GPT: variants seen among roughly 807,000 people sequenced by gnomAD.
GPT encodes the protein alanine aminotransferase 1.
A neutral mutation model predicts 51.4 loss-of-function variants in GPT; 60 were observed. That is an observed-to-expected ratio of 1.17 (90% CI 0.95 to 1.45). GPT has a LOEUF of 1.45. Among genes scored for constraint, GPT ranks in the 40% most tolerant of loss-of-function variants. The pLI, the probability that GPT is intolerant of heterozygous loss-of-function variation, is 0.00. For missense variants in GPT, 853 were observed against 704.0 expected (o/e 1.21, Z -2.40); for synonymous variants, 397 against 303.1 (o/e 1.31, Z -3.22).
At chr8:144,505,771 G>C (rs1364742842) in intron 5 of GPT, 77 bp from the exon 6 acceptor site, 10 of 1,300,776 alleles carry the variant, frequency 7.7e-6, no homozygotes, top group Non-Finnish European at 1.0e-5. Context: ...TGCCGGGTCC[G>C]CTGGACCCCG....
At chr8:144,503,378 C>A (rs918974758), upstream of GPT, among the ~76,000 whole-genome samples, 2 of 152,200 alleles carry the variant, frequency 1.3e-5, no homozygotes, top group African/African-American at 4.8e-5. Flanking sequence ...GTTTCCTACT[C>A]TCTCCTCCAA....
Position 144,506,081 on chromosome 8 carries a change from G to C in GPT, c.906G>C (p.Gly302=). The change falls in exon 7 of 11, where the codon GGG becomes GGC. Residue 302 remains glycine (G), a synonymous_variant. Transcript: ENST00000394955. This position sits in a 1 kb window ranked among gnomAD's most constrained non-coding sequence, Gnocchi z 7.0. ...VLMEMGPPYA[G]QQELASFHST... is the part of the protein sequence containing the mutation. ...TGGAGATGGGGCCGCCCTACGCCGG[G>C]CAGCAGGAGCTTGCCTCCTTCCACT... 6.2e-7 allele frequency: 1 copy of C among 1,612,366 alleles called. No individual in the cohort carries two copies. Among genetic ancestry groups the C allele is most frequent in the Non-Finnish European group, 8.5e-7 (1 of 1,179,696 alleles).
In GPT at chr8:144,506,704, C is replaced by G; in HGVS notation, c.1288-27C>G. 6.2e-7 allele frequency: 1 copy of G among 1,606,178 alleles called. No homozygotes were observed. The highest frequency in any genetic ancestry group is 8.5e-7 in the Non-Finnish European group (1 of 1,177,660). On this transcript the variant is annotated intron_variant, in intron 9 of 10. Coordinates refer to ENST00000394955, the MANE Select transcript of GPT (RefSeq NM_005309.3). This position sits in a 1 kb window ranked among gnomAD's most constrained non-coding sequence, Gnocchi z 7.0. ...GGGGTGGGCAGGGGGGGCCGGGCAT[C>G]CCTCTCTGACGGCTCTCCGTCCACA...
rs762649725 is a variant in GPT, at chr8:144,505,457, C to T, written c.707C>T (p.Ala236Val). The change falls in exon 5 of 11, where the codon GCG becomes GTG. Residue 236 changes from alanine to valine, a missense_variant. Physicochemically the swap from Ala to Val is moderately conservative, Grantham distance 64. Transcript: ENST00000394955. ...GQARDHCRPR[A>V]LCVINPGNPT... is the part of the protein sequence containing the mutation. The stretch of plus-strand genomic sequence containing the variant: ...GCGCGTGACCACTGCCGCCCTCGTG[C>T]GCTCTGTGTCATCAACCCTGGCAAC... 3.1e-6 allele frequency: 5 copies of T among 1,594,764 alleles called. No individual in the cohort carries two copies. In the African/African-American group the frequency reaches 4.0e-5, roughly 13 times the overall value.
At chr8:144,505,823 C>T in intron 5 of GPT, 25 bp from the exon 6 acceptor site, 1 of 1,540,710 alleles carries the variant, frequency 6.5e-7, no homozygotes, top group South Asian at 1.2e-5. Context: ...GCTCACCCAG[C>T]ACTGCTGCCT....
In GPT at chr8:144,505,410, G is replaced by A. The variant is rs927315588; in HGVS notation, c.660G>A (p.Glu220=). Residue 220 remains glutamate, a synonymous_variant, in exon 5 of 11, where the codon GAG becomes GAA. Coordinates refer to ENST00000394955, the MANE Select transcript of GPT (RefSeq NM_005309.3). ...GTGCCTGGGCGCTGGACGTGGCCGA[G>A]CTTCACCGTGCACTGGGCCAGGCGC... The part of the protein sequence containing the change: ...EERAWALDVA[E]LHRALGQARD... 3.8e-6 allele frequency: 6 copies of A among 1,596,840 alleles called. No homozygotes were observed. The highest frequency in any genetic ancestry group is 5.1e-6 in the Non-Finnish European group (6 of 1,173,636).
At position 144,507,005 on chromosome 8, in the gene GPT, C is replaced by A. The variant is rs780313550; in HGVS notation, c.*5C>A. 2 of 1,607,242 alleles carry A rather than the reference C, an allele frequency of 1.2e-6. No individual in the cohort carries two copies. The highest frequency in any genetic ancestry group is 2.2e-5 in the South Asian group (2 of 90,984). ...TTCACCCTCGAGTACTCCTGAGCAC[C>A]CCAGCTGGGGCCAGGCTGGGTCGCC... On this transcript the variant is annotated 3_prime_UTR_variant, in exon 11 of 11. Transcript: ENST00000394955.
At position 144,506,176 on chromosome 8, in the gene GPT, G is replaced by GCCCTCCTCGCCCGATGGGCCACC. The variant is rs1254167777; in HGVS notation, c.957-47_957-25dup. The GCCCTCCTCGCCCGATGGGCCACC allele has an allele frequency of 1.2e-6, 2 of 1,601,726 alleles. No homozygotes were observed. The highest frequency in any genetic ancestry group is 2.7e-5 in the African/African-American group (2 of 74,716). ...GTGGGGGCTCGCGGGCCATGGCCAGGCCCTCCTCGCCCGATGGGCCACCCC... is the reference window on the plus strand; with the variant it reads ...GTGGGGGCTCGCGGGCCATGGCCAGGCCCTCCTCGCCCGATGGGCCACCCCCTCCTCGCCCGATGGGCCACCCC... On this transcript the variant is annotated intron_variant, in intron 7 of 10. Coordinates refer to ENST00000394955, the MANE Select transcript of GPT (RefSeq NM_005309.3). The surrounding 1 kb of genome is among the most constrained non-coding windows in gnomAD (Gnocchi z 7.0).
chr8:144,505,861 C>A lies in GPT; in HGVS notation c.753C>A (p.Thr251=). The A allele has an allele frequency of 6.4e-7, 1 of 1,552,354 alleles. No homozygotes were observed. The highest frequency in any genetic ancestry group is 1.4e-5 in the African/African-American group (1 of 73,286). Residue 251 remains threonine, a synonymous_variant, in exon 6 of 11, where the codon ACC becomes ACA. Coordinates refer to ENST00000394955, the MANE Select transcript of GPT (RefSeq NM_005309.3). ...CCGGCACCCCAGGGCAGGTGCAGAC[C>A]CGCGAGTGCATCGAGGCCGTGATCC... ...NPGNPTGQVQ[T]RECIEAVIRF...
Position 144,505,433 on chromosome 8 carries a change from C to T in GPT, c.683C>T (p.Ala228Val), listed in dbSNP as rs1257281084. The T allele has an allele frequency of 6.2e-7, 1 of 1,600,116 alleles. No homozygotes were observed. The highest frequency in any genetic ancestry group is 2.3e-5 in the East Asian group (1 of 44,298). ...GAGCTTCACCGTGCACTGGGCCAGG[C>T]GCGTGACCACTGCCGCCCTCGTGCG... Reference protein sequence around the residue: ...VAELHRALGQARDHCRPRALC... With the variant: ...VAELHRALGQVRDHCRPRALC... The change falls in exon 5 of 11, where the codon GCG becomes GTG. Residue 228 changes from alanine to valine, a missense_variant. Physicochemically the swap from Ala to Val is moderately conservative, Grantham distance 64. Coordinates refer to ENST00000394955, the MANE Select transcript of GPT (RefSeq NM_005309.3).
In GPT at chr8:144,506,666, G is replaced by T; in HGVS notation, c.1287+10G>T. 1 of 1,561,878 alleles carries T rather than the reference G, an allele frequency of 6.4e-7. No individual in the cohort carries two copies. Among genetic ancestry groups the T allele is most frequent in the Non-Finnish European group, 8.7e-7 (1 of 1,153,378 alleles). ...GGTGGAGCGCGCTCAGGTCAGGCGG[G>T]GGCGGGGCCTGCGGGGTGGGCAGGG... On this transcript the variant is annotated intron_variant, in intron 9 of 10. Transcript: ENST00000394955. This position sits in a 1 kb window ranked among gnomAD's most constrained non-coding sequence, Gnocchi z 7.0.
At position 144,504,342 on chromosome 8, in the gene GPT, G is replaced by C; in HGVS notation, c.38G>C (p.Arg13Thr). The C allele has an allele frequency of 6.2e-7, 1 of 1,611,016 alleles. No homozygotes were observed. The highest frequency in any genetic ancestry group is 1.1e-5 in the South Asian group (1 of 91,088). ...SSTGDRSQAV[R>T]HGLRAKVLTL... is the part of the protein sequence containing the mutation. ...ACAGGTGACCGGAGCCAGGCGGTGA[G>C]GCATGGACTGAGGGCGAAGGTGCTG... is the stretch of plus-strand genomic sequence containing the variant. The change falls in exon 1 of 11, where the codon AGG becomes ACG. Residue 13 changes from arginine to threonine, a missense_variant. Coordinates refer to ENST00000394955, the MANE Select transcript of GPT (RefSeq NM_005309.3).
chr8:144,505,882 G>A lies in GPT; in HGVS notation c.774G>A (p.Val258=). The change falls in exon 6 of 11, where the codon GTG becomes GTA. Residue 258 remains valine (V), a synonymous_variant. Coordinates refer to ENST00000394955, the MANE Select transcript of GPT (RefSeq NM_005309.3). ...AGACCCGCGAGTGCATCGAGGCCGT[G>A]ATCCGCTTCGCCTTCGAAGAGCGGC... is the stretch of plus-strand genomic sequence containing the variant. ...QVQTRECIEA[V]IRFAFEERLF... 1 of 1,576,648 alleles carries A rather than the reference G, an allele frequency of 6.3e-7. No homozygotes were observed. The highest frequency in any genetic ancestry group is 8.6e-7 in the Non-Finnish European group (1 of 1,162,064).
In GPT at chr8:144,506,641, G is replaced by C. The variant is rs771805043; in HGVS notation, c.1272G>C (p.Ala424=). 1.9e-6 allele frequency: 3 copies of C among 1,558,166 alleles called. No homozygotes were observed. The highest frequency in any genetic ancestry group is 2.4e-5 in the East Asian group (1 of 42,142). ...CGCGCGTGCAGCTGCCCCCGCGGGC[G>C]GTGGAGCGCGCTCAGGTCAGGCGGG... The part of the protein sequence containing the change: ...SFPRVQLPPR[A]VERAQELGLA... The change falls in exon 9 of 11, where the codon GCG becomes GCC. Residue 424 remains alanine, a synonymous_variant. Transcript: ENST00000394955. This position sits in a 1 kb window ranked among gnomAD's most constrained non-coding sequence, Gnocchi z 7.0.
Position 144,504,768 on chromosome 8 carries a change from C to T in GPT, c.253-3C>T, listed in dbSNP as rs1826702007. 6.2e-7 allele frequency: 1 copy of T among 1,613,516 alleles called. No individual in the cohort carries two copies. Among genetic ancestry groups the T allele is most frequent in the African/African-American group, 1.3e-5 (1 of 74,950 alleles). On this transcript the variant is annotated splice_polypyrimidine_tract_variant and splice_region_variant and intron_variant, in intron 2 of 10. Coordinates refer to ENST00000394955, the MANE Select transcript of GPT (RefSeq NM_005309.3). ...CCCTGGCCTCAGCACTCCGTCTTCC[C>T]AGGTCTTGGCCCTCTGTGTTAACCC...
Position 144,506,555 on chromosome 8 carries a change from G to T in GPT, c.1186G>T (p.Val396Phe), listed in dbSNP as rs769471662. 8.8e-6 allele frequency: 14 copies of T among 1,589,606 alleles called. No homozygotes were observed. In the South Asian group the frequency reaches 1.4e-4, roughly 16 times the overall value. The change falls in exon 9 of 11, where the codon GTC becomes TTC. Residue 396 changes from valine to phenylalanine, a missense_variant. By Grantham distance (50) the Val-to-Phe change is conservative. Coordinates refer to ENST00000394955, the MANE Select transcript of GPT (RefSeq NM_005309.3). The surrounding 1 kb of genome is among the most constrained non-coding windows in gnomAD (Gnocchi z 7.0). ...GGCCAAGGCCAAGCTCACCGAGCAG[G>T]TCTTCAATGAGGCTCCTGGCATCAG... ...LAAKAKLTEQ[V>F]FNEAPGISCN...
chr8:144,505,055 T>C lies in GPT; in HGVS notation c.419T>C (p.Ile140Thr), dbSNP rs1826719094. Residue 140 changes from isoleucine (I) to threonine (T), a missense_variant, in exon 4 of 11, where the codon ATT (isoleucine) becomes ACT (threonine). Physicochemically the swap from Ile to Thr is moderately conservative, Grantham distance 89. Coordinates refer to ENST00000394955, the MANE Select transcript of GPT (RefSeq NM_005309.3). ...ATCCGGGAGGACGTGGCGCGGTACA[T>C]TGAGAGGCGTGACGGAGGCATCCCT... Reference protein sequence around the residue: ...QLIREDVARYIERRDGGIPAD... With the variant: ...QLIREDVARYTERRDGGIPAD... The C allele has an allele frequency of 4.3e-6, 7 of 1,613,108 alleles. No individual in the cohort carries two copies. In the East Asian group the frequency reaches 6.7e-5, roughly 15 times the overall value.
At chr8:144,503,941 C>T (rs981310205), upstream of GPT, 8 of 368,050 alleles carry the variant, frequency 2.2e-5, no homozygotes, top group East Asian at 6.6e-5. Flanking sequence ...CAGAGCTGTC[C>T]GGACTGACGT....
At chr8:144,504,953 G>A (rs547406291) in intron 3 of GPT, 45 bp from the exon 4 acceptor site, 94 of 1,612,942 alleles carry the variant, frequency 5.8e-5, no homozygotes, top group Non-Finnish European at 7.2e-5. Flanking sequence ...GGAGGGCTGA[G>A]GAGAACTTCA....
Sources: allele counts gnomAD v4.1 joint callset (sites outside exome capture counted in the v4.1 genomes callset), GRCh38; gene constraint gnomAD v4.1.1; non-coding constraint Gnocchi (gnomAD v3.1); transcripts MANE v1.5; gene names NCBI Gene and HGNC (gene_info 2026-07-23, HGNC 2026-07-21).